GRM7: variants seen among roughly 807,000 people sequenced by gnomAD.
GRM7 encodes glutamate metabotropic receptor 7, also known as metabotropic glutamate receptor 7.
Under a neutral mutation model 84.5 loss-of-function variants are expected in GRM7, and 35 were observed. The ratio of observed to expected loss-of-function variants is 0.41; its 90% confidence interval spans 0.32 to 0.55. The LOEUF (loss-of-function observed/expected upper bound fraction) is 0.55. Ranked by LOEUF, GRM7 falls within the 20% of genes least tolerant of loss-of-function variation. The pLI is 0.19. For missense variants in GRM7, 1,003 were observed against 1,194.6 expected, an observed-to-expected ratio of 0.84 and a Z score of 2.36; for synonymous variants, 487 against 455.1, an observed-to-expected ratio of 1.07 and a Z score of -0.89.
At chr3:7,338,019 G>A (rs539816256) in intron 4 of GRM7, among the ~76,000 whole-genome samples, 217 of 151,390 alleles carry the variant, frequency 1.4e-3, no homozygotes, top group Non-Finnish European at 2.2e-3. Flanking sequence ...ATCAAACAAT[G>A]AGCAAATAAA....
intron 1 of GRM7, among the ~76,000 whole-genome samples, chr3:6,968,957 TTGAA>T (rs1448394400): frequency 8.5e-5 from 13 of 152,194 alleles, no homozygotes; most frequent in African/African-American, 3.1e-4. Flanking sequence ...CTACCAAAAA[TTGAA>T]TGTTGACAAC....
At chr3:7,061,706 A>G (rs4425240) in intron 1 of GRM7, among the ~76,000 whole-genome samples, 5,928 of 151,816 alleles carry the variant, frequency 0.039, 311 homozygotes, top group African/African-American at 0.12. Context: ...CTGACAGGAG[A>G]GTAAGAACAG....
chr3:7,333,368 A>G (rs1439652644), intron 4 of GRM7, among the ~76,000 whole-genome samples: 1 of 152,168 alleles, frequency 6.6e-6, no homozygotes, highest in Non-Finnish European at 1.5e-5. Context: ...CTGTAGGGCT[A>G]GCCCCCAGAA....
intron 2 of GRM7, 96 bp from the exon 3 acceptor site, chr3:7,298,588 T>G: frequency 1.0e-6 from 1 of 977,622 alleles, no homozygotes; most frequent in Non-Finnish European, 1.6e-6. Flanking sequence ...GTATTGCATA[T>G]CCGGGATTCA....
intron 5 of GRM7, 48 bp downstream of exon 5, chr3:7,415,211 A>G (rs776925065): frequency 1.3e-6 from 2 of 1,519,678 alleles, no homozygotes; most frequent in South Asian, 1.1e-5. Context: ...CGTGGCTAGC[A>G]CTGACATGTC....
At position 7,005,126 on chromosome 3, in the gene GRM7, G is replaced by A. The variant is rs752759834; in HGVS notation, c.520-141326G>A. 3.2e-4 allele frequency among the ~76,000 whole-genome samples: 49 copies of A among 152,232 alleles called. 1 individual carries two copies. The highest frequency in any genetic ancestry group is 5.9e-4 in the Non-Finnish European group (40 of 68,016). ...TGGCCAGATGGCAGTTCTTGTCTTCGAACAAGTCACGCGTCAAGGTGGAGC... is the reference window on the plus strand; with the variant it reads ...TGGCCAGATGGCAGTTCTTGTCTTCAAACAAGTCACGCGTCAAGGTGGAGC... On this transcript the variant is annotated intron_variant, in intron 1 of 9. Transcript: ENST00000357716.
intron 2 of GRM7, among the ~76,000 whole-genome samples, chr3:7,289,101 A>G (rs1356917415): frequency 5.3e-5 from 8 of 152,204 alleles, no homozygotes; most frequent in South Asian, 4.1e-4. Flanking sequence ...AAGGATGCAC[A>G]GTGGGACATT....
chr3:7,297,490 T>C (rs796442357), intron 2 of GRM7, among the ~76,000 whole-genome samples: 4 of 152,280 alleles, frequency 2.6e-5, no homozygotes, highest in African/African-American at 9.6e-5. Context: ...GTCAAGATGA[T>C]TGATAGTTTT....
At chr3:7,576,241 T>C (rs904783110) in intron 7 of GRM7, among the ~76,000 whole-genome samples, 5 of 152,184 alleles carry the variant, frequency 3.3e-5, no homozygotes, top group Non-Finnish European at 7.4e-5. Flanking sequence ...TTTCCCTAAT[T>C]TTATGACTCT....
chr3:7,721,842 T>C (rs1016156432), intron 9 of GRM7, among the ~76,000 whole-genome samples: 1 of 152,238 alleles, frequency 6.6e-6, no homozygotes, highest in African/African-American at 2.4e-5. Flanking sequence ...ACTGTCATTT[T>C]TGGCAATTCC....
At chr3:7,341,258 A>G (rs891078575) in intron 4 of GRM7, among the ~76,000 whole-genome samples, 2 of 152,150 alleles carry the variant, frequency 1.3e-5, no homozygotes, top group African/African-American at 4.8e-5. Context: ...ATGAGGATGA[A>G]AATTCAACAA....
At chr3:7,085,422 A>G (rs1698420446) in intron 1 of GRM7, among the ~76,000 whole-genome samples, 1 of 152,176 alleles carries the variant, frequency 6.6e-6, no homozygotes, top group Admixed American at 6.6e-5. Flanking sequence ...TCGACTTGGT[A>G]TAGAATTAAG....
intron 4 of GRM7, among the ~76,000 whole-genome samples, chr3:7,401,037 G>A (rs1479952183): frequency 2.0e-5 from 3 of 151,928 alleles, no homozygotes; most frequent in African/African-American, 7.3e-5. Context: ...AACATTGAAA[G>A]TGTCTTGGAG....
intron 1 of GRM7, among the ~76,000 whole-genome samples, chr3:7,061,575 T>C (rs1194151441): frequency 6.6e-6 from 1 of 151,698 alleles, no homozygotes; most frequent in Non-Finnish European, 1.5e-5. Flanking sequence ...TATTACCCTT[T>C]CTTTTTGGGA....
chr3:7,488,503 C>G (rs972416991), intron 7 of GRM7, among the ~76,000 whole-genome samples: 1 of 152,182 alleles, frequency 6.6e-6, no homozygotes, highest in Non-Finnish European at 1.5e-5. Context: ...GTCCTCACTT[C>G]TACAGGACTG....
intron 1 of GRM7, among the ~76,000 whole-genome samples, chr3:7,109,779 T>C (rs1429829859): frequency 6.6e-6 from 1 of 152,128 alleles, no homozygotes; most frequent in East Asian, 1.9e-4. Flanking sequence ...TATGTGCAGG[T>C]AATACCAATT....
chr3:7,268,965 G>C (rs144509550), intron 2 of GRM7, among the ~76,000 whole-genome samples: 1 of 152,126 alleles, frequency 6.6e-6, no homozygotes, highest in Non-Finnish European at 1.5e-5. Context: ...GAGGGAGAGC[G>C]TAGTCAGTAG....
intron 4 of GRM7, among the ~76,000 whole-genome samples, chr3:7,329,704 A>G (rs538886622): frequency 1.3e-5 from 2 of 152,230 alleles, no homozygotes; most frequent in South Asian, 2.1e-4. Context: ...CTATGATTTC[A>G]TGGCTGTTCA....
intron 1 of GRM7, among the ~76,000 whole-genome samples, chr3:7,051,176 C>G (rs938442108): frequency 4.0e-5 from 6 of 151,688 alleles, no homozygotes; most frequent in Non-Finnish European, 8.9e-5. Flanking sequence ...ATAAGGTGTG[C>G]AGAATCAAAT....
Sources: gnomAD v4.1 joint callset for allele counts (sites outside exome capture counted in the v4.1 genomes callset) on GRCh38, gnomAD v4.1.1 for gene constraint, MANE v1.5 for transcripts, NCBI Gene and HGNC (gene_info 2026-07-23, HGNC 2026-07-21) for gene names.